Variants in ACACA observed in about 807,000 individuals in gnomAD.
ACACA encodes the protein acetyl-CoA carboxylase 1.
A neutral mutation model predicts 296.1 loss-of-function variants in ACACA; 103 were observed. That is an observed-to-expected ratio of 0.35 (90% CI 0.30 to 0.41). ACACA has a LOEUF of 0.41. Ranked by LOEUF, ACACA falls within the 10% of genes least tolerant of loss-of-function variation. The probability of loss-of-function intolerance (pLI) is 1.00; values close to 1 mark genes in which losing one functional copy is unlikely to be tolerated. For missense variants in ACACA, 1,554 were observed against 2,989.7 expected (o/e 0.52, Z 11.20); for synonymous variants, 953 against 1,038.6 (o/e 0.92, Z 1.58).
chr17:37,314,950 C>CTTTT (rs71284913), intron 3 of ACACA, among the ~76,000 whole-genome samples: 48 of 60,822 alleles, frequency 7.9e-4, no homozygotes, highest in Non-Finnish European at 8.7e-4. Flanking sequence ...GCCAGGAATG[C>CTTTT]TTTTTTTTTT....
At chr17:37,385,881 A>G in intron 1 of ACACA, 1 of 624,096 alleles carries the variant, frequency 1.6e-6, no homozygotes, top group East Asian at 2.8e-5. Context: ...CCCTAAACCT[A>G]TGGACAGACA....
chr17:37,240,458 C>A lies in ACACA; in HGVS notation c.3121+18G>T, dbSNP rs560290016. ...ATCAAGGCTTTCTTAGCTAGAGAGT[C>A]CTCAGGAAGAGGCTTACCATTCTGG... On this transcript the variant is annotated intron_variant, in intron 24 of 55. Transcript: ENST00000616317. 1.9e-6 allele frequency: 3 copies of A among 1,611,008 alleles called. No homozygotes were observed. The African/African-American group carries it at 4.0e-5, about 21-fold the overall frequency.
intron 3 of ACACA, among the ~76,000 whole-genome samples, chr17:37,307,561 T>C (rs902981122): frequency 6.6e-6 from 1 of 152,076 alleles, no homozygotes; most frequent in African/African-American, 2.4e-5. Flanking sequence ...CATATTTCTA[T>C]TGTGTTGAAT....
At chr17:37,094,518 A>C (rs2072851739) in intron 54 of ACACA, among the ~76,000 whole-genome samples, 1 of 151,450 alleles carries the variant, frequency 6.6e-6, no homozygotes, top group South Asian at 2.1e-4. Context: ...AGACTCAGCC[A>C]GTCTTTGCAC....
chr17:37,136,826 C>T (rs527985521), intron 45 of ACACA, among the ~76,000 whole-genome samples: 1 of 151,948 alleles, frequency 6.6e-6, no homozygotes, highest in Non-Finnish European at 1.5e-5. Context: ...CCTGTAGTCC[C>T]TAGCTACTTG....
intron 50 of ACACA, among the ~76,000 whole-genome samples, chr17:37,115,103 T>C (rs1239168108): frequency 6.6e-6 from 1 of 152,214 alleles, no homozygotes; most frequent in Non-Finnish European, 1.5e-5. Flanking sequence ...GGAATGTGTA[T>C]GATATGTACT....
intron 26 of ACACA, among the ~76,000 whole-genome samples, chr17:37,225,912 G>A (rs1020487336): frequency 1.3e-5 from 2 of 152,248 alleles, no homozygotes; most frequent in South Asian, 2.1e-4. Flanking sequence ...GATTGCTGCC[G>A]CCTAAGATTC....
intron 1 of ACACA, among the ~76,000 whole-genome samples, chr17:37,383,889 T>A (rs1233482677): frequency 3.3e-5 from 5 of 152,148 alleles, no homozygotes; most frequent in African/African-American, 1.2e-4. Flanking sequence ...TGAAACATAA[T>A]CCCTTCTACA....
In ACACA at chr17:37,257,710, C is replaced by T. The variant is rs2081285668; in HGVS notation, c.1819G>A (p.Ala607Thr). 1.2e-6 allele frequency: 2 copies of T among 1,613,988 alleles called. No homozygotes were observed. The highest frequency in any genetic ancestry group is 1.7e-6 in the Non-Finnish European group (2 of 1,179,996). The change falls in exon 14 of 56, where the codon GCA (alanine) becomes ACA (threonine). Residue 607 changes from alanine to threonine, a missense_variant. Around this residue, in one of 16 missense-constraint regions of ACACA, gnomAD observed 35 missense variants for 139.4 expected, o/e 0.25. Transcript: ENST00000616317. ...CFSWGENREE[A>T]ISNMVVALKE... Reference sequence around the variant, plus strand: ...AAATGCTATTATACTCACGAAATTGCCTCTTCTCTGTTTTCTCCCCAAGAA... The same window carrying T: ...AAATGCTATTATACTCACGAAATTGTCTCTTCTCTGTTTTCTCCCCAAGAA...
chr17:37,318,922 A>G (rs894859183), intron 3 of ACACA, among the ~76,000 whole-genome samples: 1 of 152,248 alleles, frequency 6.6e-6, no homozygotes, highest in African/African-American at 2.4e-5. Flanking sequence ...AAGCTCTGTC[A>G]TAAATGGTAC....
At chr17:37,295,062 A>C (rs2083263673) in intron 3 of ACACA, among the ~76,000 whole-genome samples, 1 of 152,224 alleles carries the variant, frequency 6.6e-6, no homozygotes, top group Non-Finnish European at 1.5e-5. Context: ...TTTTGTCCTT[A>C]GCCAGTAGAG....
intron 11 of ACACA, among the ~76,000 whole-genome samples, chr17:37,261,959 T>C (rs1311608749): frequency 6.6e-6 from 1 of 151,998 alleles, no homozygotes; most frequent in Non-Finnish European, 1.5e-5. Flanking sequence ...AAAGCCACAA[T>C]ACATATCTAA....
In ACACA at chr17:37,352,368, G is replaced by A. The variant is rs190804664; in HGVS notation, c.39-12518C>T. Among the ~76,000 whole-genome samples, 2 of 152,262 alleles carry A rather than the reference G, an allele frequency of 1.3e-5. 1 individual carries two copies. The highest frequency in any genetic ancestry group is 3.9e-4 in the East Asian group (2 of 5,190). On this transcript the variant is annotated intron_variant, in intron 1 of 55. Coordinates refer to ENST00000616317, the MANE Select transcript of ACACA (RefSeq NM_198834.3). Reference sequence around the variant, plus strand: ...TTGTGAATTCAGAAAGTTCTAGGATGAATTAATTTACGCTCGTAATCTTAT... The same window carrying A: ...TTGTGAATTCAGAAAGTTCTAGGATAAATTAATTTACGCTCGTAATCTTAT...
chr17:37,175,159 C>T (rs766651622), intron 41 of ACACA, among the ~76,000 whole-genome samples: 2 of 152,094 alleles, frequency 1.3e-5, no homozygotes, highest in Non-Finnish European at 2.9e-5. Flanking sequence ...TGGTCTAGTT[C>T]GCAGAGCTGA....
intron 3 of ACACA, among the ~76,000 whole-genome samples, chr17:37,312,310 TAGA>T (rs1453394754): frequency 6.6e-6 from 1 of 152,092 alleles, no homozygotes; most frequent in African/African-American, 2.4e-5. Flanking sequence ...AAACACTGGG[TAGA>T]AACAAGACTG....
chr17:37,340,720 A>G (rs1003226088), intron 1 of ACACA, among the ~76,000 whole-genome samples: 2 of 152,210 alleles, frequency 1.3e-5, no homozygotes, highest in African/African-American at 4.8e-5. Context: ...ATTATTCCCT[A>G]CAACTGAGAA....
At chr17:37,391,163 G>A (rs573847626) in intron 1 of ACACA, among the ~76,000 whole-genome samples, 53 of 152,182 alleles carry the variant, frequency 3.5e-4, no homozygotes, top group African/African-American at 5.5e-4. Context: ...GCTTGAACCC[G>A]GGAGGCACAG....
rs1156553256 is a variant in ACACA, at chr17:37,325,579, C to CTTTTTTTTTTTTTTT, written c.338+4579_338+4593dup. Among the ~76,000 whole-genome samples the CTTTTTTTTTTTTTTT allele has an allele frequency of 2.2e-4, 15 of 67,932 alleles. 1 individual carries two copies. The highest frequency in any genetic ancestry group is 0.012 in the Middle Eastern group (1 of 86). The allele number at this position is 67,932 out of a possible 152,430, so 44.6% of individuals were successfully genotyped here. On this transcript the variant is annotated intron_variant, in intron 3 of 55. Transcript: ENST00000616317. ...CTTAGGGTCTTATTTTCTTTTCTTTCTTTTTTTTTTTTTTTTTTTTTTTTT... is the reference window on the plus strand; with the variant it reads ...CTTAGGGTCTTATTTTCTTTTCTTTCTTTTTTTTTTTTTTTTTTTTTTTTTTTTTTTTTTTTTTTT...
intron 1 of ACACA, among the ~76,000 whole-genome samples, chr17:37,403,094 C>T (rs1290589963): frequency 6.6e-6 from 1 of 152,216 alleles, no homozygotes; most frequent in African/African-American, 2.4e-5. Context: ...AGGTAAGACA[C>T]ACAGCCAAAT....
Sources: gnomAD v4.1 joint callset for allele counts (sites outside exome capture counted in the v4.1 genomes callset) on GRCh38, gnomAD v4.1.1 for gene constraint, gnomAD v4.1.1 regional missense constraint, MANE v1.5 for transcripts, NCBI Gene and HGNC (gene_info 2026-07-23, HGNC 2026-07-21) for gene names.